The following ELAPOR1 variants were observed in gnomAD, a reference collection of about 807,000 sequenced individuals.
ELAPOR1 encodes the protein endosome-lysosome associated apoptosis and autophagy regulator 1.
A neutral mutation model predicts 119.7 loss-of-function variants in ELAPOR1; 77 were observed. That is an observed-to-expected ratio of 0.64 (90% confidence interval 0.54 to 0.78). The LOEUF is 0.78. Among genes scored for constraint, ELAPOR1 ranks in the 30% least tolerant of loss-of-function variants. The pLI is 0.00. For missense variants in ELAPOR1, 1,115 were observed against 1,270.4 expected, an observed-to-expected ratio of 0.88 and a Z score of 1.86; for synonymous variants, 481 against 487.2, an observed-to-expected ratio of 0.99 and a Z score of 0.17.
chr1:109,115,865 T>A (rs947719668), intron 1 of ELAPOR1, among the ~76,000 whole-genome samples: 13 of 152,204 alleles, frequency 8.5e-5, no homozygotes, highest in Admixed American at 7.9e-4. Context: ...TGACCTGTTT[T>A]AGAGATCGCA....
intron 8 of ELAPOR1, chr1:109,187,333 G>A (rs901633651): frequency 5.1e-6 from 5 of 985,454 alleles, no homozygotes; most frequent in African/African-American, 1.7e-5. Flanking sequence ...CCGCAGGGAA[G>A]AGGGCCGAGC....
At chr1:109,175,278 C>A (rs1652200353) in intron 7 of ELAPOR1, among the ~76,000 whole-genome samples, 1 of 151,802 alleles carries the variant, frequency 6.6e-6, no homozygotes, top group African/African-American at 2.4e-5. Flanking sequence ...TCTCGGCTCA[C>A]CACAACCTCT....
rs946592343 is a variant in ELAPOR1 at position 109,205,733 on chromosome 1, T to C, written c.*2721T>C. On this transcript the variant is annotated 3_prime_UTR_variant, in exon 22 of 22. Coordinates refer to ENST00000369939, the MANE Select transcript of ELAPOR1 (RefSeq NM_020775.5). ...ATGTCTTTGACTTCTTTATTCTGACTCCACTGATTTTAGCCATAATACTTT... is the reference window on the plus strand; with the variant it reads ...ATGTCTTTGACTTCTTTATTCTGACCCCACTGATTTTAGCCATAATACTTT... 14 of 152,156 alleles carry C rather than the reference T, an allele frequency of 9.2e-5. No homozygotes were observed. The highest frequency in any genetic ancestry group is 8.5e-4 in the Admixed American group (13 of 15,280). 9.4% of individuals were successfully genotyped at this position (152,156 alleles called of 1,614,324 possible).
At chr1:109,134,989 G>T (rs1273272929) in intron 1 of ELAPOR1, among the ~76,000 whole-genome samples, 1 of 152,142 alleles carries the variant, frequency 6.6e-6, no homozygotes, top group African/African-American at 2.4e-5. Context: ...GGCAATAATG[G>T]TTGGAGGACA....
At chr1:109,196,864 G>A (rs1367848452) in intron 15 of ELAPOR1, among the ~76,000 whole-genome samples, 2 of 152,154 alleles carry the variant, frequency 1.3e-5, no homozygotes, top group African/African-American at 4.8e-5. Flanking sequence ...TGTGTTTTTA[G>A]TAAAGACGGG....
At chr1:109,159,400 C>G (rs983225486) in intron 1 of ELAPOR1, among the ~76,000 whole-genome samples, 1 of 152,136 alleles carries the variant, frequency 6.6e-6, no homozygotes, top group African/African-American at 2.4e-5. Flanking sequence ...AAATGAAAGA[C>G]GATGAAAAGT....
chr1:109,186,615 A>G (rs1228950668), intron 8 of ELAPOR1: 1 of 985,254 alleles, frequency 1.0e-6, no homozygotes, highest in Non-Finnish European at 1.2e-6. Flanking sequence ...TGCACCTTAG[A>G]CTCAGTTCTG....
intron 1 of ELAPOR1, among the ~76,000 whole-genome samples, chr1:109,137,048 AG>A (rs1649515274): frequency 6.6e-6 from 1 of 152,142 alleles, no homozygotes; most frequent in Non-Finnish European, 1.5e-5. Flanking sequence ...GGTGAGTTTG[AG>A]GGGTGAAGGG....
chr1:109,187,631 C>A (rs1275526760), intron 8 of ELAPOR1: 1 of 1,002,056 alleles, frequency 1.0e-6, no homozygotes, highest in Non-Finnish European at 1.2e-6. Flanking sequence ...CTTCTGTACC[C>A]AATGCAGGGG....
At chr1:109,200,351 G>A (rs1161483575) in intron 20 of ELAPOR1, 114 bp downstream of exon 20, 2 of 1,261,540 alleles carry the variant, frequency 1.6e-6, no homozygotes, top group Admixed American at 1.9e-5. Flanking sequence ...TACAGACTCT[G>A]TGACTTATCC....
intron 13 of ELAPOR1, among the ~76,000 whole-genome samples, 175 bp downstream of exon 13, chr1:109,192,038 G>A (rs1653471802): frequency 2.0e-5 from 3 of 152,184 alleles, no homozygotes; most frequent in African/African-American, 7.2e-5. Flanking sequence ...GTCTTGTCCA[G>A]CTGACTTCCT....
chr1:109,190,867 A>AC (rs1653389582), intron 11 of ELAPOR1, among the ~76,000 whole-genome samples: 1 of 152,138 alleles, frequency 6.6e-6, no homozygotes, highest in Non-Finnish European at 1.5e-5. Context: ...TGCTGGAGAG[A>AC]CAGCTGCTGA....
At chr1:109,174,571 G>A (rs923446374) in intron 7 of ELAPOR1, among the ~76,000 whole-genome samples, 2 of 151,104 alleles carry the variant, frequency 1.3e-5, no homozygotes, top group Admixed American at 6.6e-5. Context: ...GGGGTGGGGG[G>A]AAGAGAGACA....
intron 3 of ELAPOR1, among the ~76,000 whole-genome samples, chr1:109,169,824 A>G (rs1365658215): frequency 2.0e-5 from 3 of 152,216 alleles, no homozygotes; most frequent in African/African-American, 7.2e-5. Context: ...TAGCTGGTAA[A>G]TGGGAGGCTC....
chr1:109,181,343 G>A (rs545419278), intron 7 of ELAPOR1, among the ~76,000 whole-genome samples: 5 of 152,258 alleles, frequency 3.3e-5, no homozygotes, highest in African/African-American at 9.6e-5. Flanking sequence ...TTTGCCCAGG[G>A]CCAATCCTAC....
intron 3 of ELAPOR1, among the ~76,000 whole-genome samples, chr1:109,170,598 A>G (rs576353096): frequency 6.6e-6 from 1 of 152,304 alleles, no homozygotes; most frequent in South Asian, 2.1e-4. Context: ...TTGGCAGAGG[A>G]ATTGAAAGAA....
intron 1 of ELAPOR1, among the ~76,000 whole-genome samples, chr1:109,131,622 A>G (rs1470108365): frequency 6.6e-6 from 1 of 152,166 alleles, no homozygotes; most frequent in African/African-American, 2.4e-5. Context: ...AGGGGTTTAC[A>G]GGTTAGTGAG....
intron 7 of ELAPOR1, among the ~76,000 whole-genome samples, chr1:109,174,559 CGG>C (rs1463808509): frequency 6.8e-6 from 1 of 146,206 alleles, no homozygotes; most frequent in Non-Finnish European, 1.5e-5. Flanking sequence ...GGTTTACATT[CGG>C]GGGTGGGGGG....
rs1245734570 is a variant in ELAPOR1, at chr1:109,206,070, A to G, written c.*3058A>G. 6.6e-6 allele frequency: 1 copy of G among 151,736 alleles called. No homozygotes were observed. 9.4% of individuals were successfully genotyped at this position (151,736 alleles called of 1,614,324 possible). A position where few individuals can be genotyped will look rare whatever the true frequency, so the allele number is the denominator to read the frequency against. On this transcript the variant is annotated 3_prime_UTR_variant, in exon 22 of 22. Transcript: ENST00000369939. Reference sequence around the variant, plus strand: ...AGCTTTGTTGCCCAGGCTGGAGTGCAGTGCCATGATCTTGGCTCACTGCAG... The same window carrying G: ...AGCTTTGTTGCCCAGGCTGGAGTGCGGTGCCATGATCTTGGCTCACTGCAG...
Sources: allele counts gnomAD v4.1 joint callset (sites outside exome capture counted in the v4.1 genomes callset), GRCh38; gene constraint gnomAD v4.1.1; transcripts MANE v1.5; gene names NCBI Gene and HGNC (gene_info 2026-07-23, HGNC 2026-07-21).